KCNK10: variants seen among roughly 807,000 people sequenced by gnomAD.
KCNK10 encodes the protein potassium channel subfamily K member 10.
Under a neutral mutation model 47.7 loss-of-function variants are expected in KCNK10, and 25 were observed. The ratio of observed to expected loss-of-function variants is 0.52; its 90% confidence interval spans 0.38 to 0.73. KCNK10 has a LOEUF of 0.73. Among genes scored for constraint, KCNK10 ranks in the 30% least tolerant of loss-of-function variants. KCNK10 has a pLI of 0.00. For synonymous variants in KCNK10, 303 were observed against 285.6 expected (o/e 1.06, Z -0.61); for missense variants, 563 against 714.5 (o/e 0.79, Z 2.42).
At chr14:88,213,383 A>T (rs184930686) in intron 4 of KCNK10, among the ~76,000 whole-genome samples, 2 of 152,372 alleles carry the variant, frequency 1.3e-5, no homozygotes, top group African/African-American at 4.8e-5. Flanking sequence ...GAGGAACCAA[A>T]CTAACCTGTG....
At chr14:88,246,264 GAAAAAAAAAAAAA>G (rs35102974) in intron 2 of KCNK10, among the ~76,000 whole-genome samples, 1 of 55,324 alleles carries the variant, frequency 1.8e-5, no homozygotes, top group African/African-American at 7.7e-5. Flanking sequence ...CTCCGTCTCA[GAAAAAAAAAAAAA>G]AAAAAAAAAA....
intron 2 of KCNK10, among the ~76,000 whole-genome samples, chr14:88,257,544 T>C (rs1203788447): frequency 6.6e-6 from 1 of 152,202 alleles, no homozygotes; most frequent in Non-Finnish European, 1.5e-5. Flanking sequence ...CCAGATATCG[T>C]GTTTCTGTTC....
At chr14:88,219,378 C>T (rs771805800) in intron 4 of KCNK10, among the ~76,000 whole-genome samples, 6 of 152,222 alleles carry the variant, frequency 3.9e-5, no homozygotes, top group East Asian at 3.9e-4. Context: ...TGAGGGACAA[C>T]GCTCTGAAGA....
At chr14:88,326,396 T>C (rs758515598), upstream of KCNK10, 10 of 1,608,738 alleles carry the variant, frequency 6.2e-6, no homozygotes, top group Non-Finnish European at 8.5e-6. Flanking sequence ...CCTTTGGTTA[T>C]TTACAAGCTG....
rs1158338502 is a variant in KCNK10 at position 88,192,213 on chromosome 14, A to G, written c.868+11T>C. The G allele has an allele frequency of 1.9e-6, 3 of 1,607,086 alleles. No homozygotes were observed. The highest frequency in any genetic ancestry group is 2.7e-5 in the African/African-American group (2 of 74,730). On this transcript the variant is annotated intron_variant, in intron 5 of 6. Transcript: ENST00000319231. ...CAGAGCCCCAGTGCCTGGCCTGCCC[A>G]GGGTGCTTACCTGCCACAAAATCAC...
At chr14:88,217,566 A>G (rs1885662499) in intron 4 of KCNK10, among the ~76,000 whole-genome samples, 1 of 152,108 alleles carries the variant, frequency 6.6e-6, no homozygotes, top group African/African-American at 2.4e-5. Context: ...ACTTAAAAAT[A>G]TTTTTAGAGA....
At chr14:88,262,591 C>A (rs1049224490) in intron 2 of KCNK10, among the ~76,000 whole-genome samples, 2 of 152,164 alleles carry the variant, frequency 1.3e-5, no homozygotes, top group Admixed American at 6.5e-5. Flanking sequence ...TCCTAAGAAT[C>A]TTTTTTCCTT....
intron 1 of KCNK10, among the ~76,000 whole-genome samples, chr14:88,278,066 A>G (rs73328097): frequency 0.11 from 16,069 of 152,184 alleles, 2,246 homozygotes; most frequent in African/African-American, 0.32. Context: ...CAAGGTGATG[A>G]GCAGAATCCC....
chr14:88,272,015 T>C (rs986886556), intron 1 of KCNK10, among the ~76,000 whole-genome samples: 1 of 150,276 alleles, frequency 6.7e-6, no homozygotes, highest in Non-Finnish European at 1.5e-5. Flanking sequence ...AGGGGGAAGG[T>C]TGGACTTCAA....
At chr14:88,303,464 A>C (rs1218238462) in intron 1 of KCNK10, among the ~76,000 whole-genome samples, 1 of 151,910 alleles carries the variant, frequency 6.6e-6, no homozygotes, top group Non-Finnish European at 1.5e-5. Context: ...ACTTCAGACC[A>C]CCCTTTCCAG....
At chr14:88,188,274 C>A (rs1884638023) in intron 5 of KCNK10, among the ~76,000 whole-genome samples, 165 bp from the exon 6 acceptor site, 1 of 152,102 alleles carries the variant, frequency 6.6e-6, no homozygotes. Context: ...AAGGGGGGTA[C>A]CCATCCCTTA....
intron 3 of KCNK10, among the ~76,000 whole-genome samples, chr14:88,233,306 C>T (rs971284486): frequency 2.6e-5 from 4 of 152,168 alleles, no homozygotes; most frequent in African/African-American, 9.7e-5. Flanking sequence ...GGCAGAACAA[C>T]CCAAGGGGAA....
At chr14:88,326,312 G>A, upstream of KCNK10, 1 of 886,076 alleles carries the variant, frequency 1.1e-6, no homozygotes, top group Non-Finnish European at 1.9e-6. Flanking sequence ...AGTGGGGATG[G>A]AGGGAGACCT....
chr14:88,287,543 T>C (rs1269729073), intron 1 of KCNK10, among the ~76,000 whole-genome samples: 2 of 152,178 alleles, frequency 1.3e-5, no homozygotes, highest in African/African-American at 4.8e-5. Context: ...CTCCCACTTA[T>C]AAGTAAGAAC....
intron 1 of KCNK10, among the ~76,000 whole-genome samples, chr14:88,277,499 T>C (rs923441541): frequency 3.9e-5 from 6 of 152,190 alleles, no homozygotes; most frequent in Non-Finnish European, 5.9e-5. Context: ...GGGAAAAGGA[T>C]ACCCACATTA....
chr14:88,323,015 G>A lies in KCNK10; in HGVS notation c.-217C>T, dbSNP rs1006938599. ...CTTGGGTGTTTGCACCGGCCAGGGG[G>A]TGGCCGGCCGCGGCCCCGTGGGTAA... On this transcript the variant is annotated 5_prime_UTR_variant, in exon 1 of 7. Coordinates refer to ENST00000319231, the MANE Select transcript of KCNK10 (RefSeq NM_138317.3). 2.5e-5 allele frequency: 34 copies of A among 1,370,576 alleles called. No homozygotes were observed. Among genetic ancestry groups the A allele is most frequent in the East Asian group, 2.8e-5 (1 of 35,850 alleles). 84.9% of individuals were successfully genotyped at this position (1,370,576 alleles called of 1,614,324 possible). A position where few individuals can be genotyped will look rare whatever the true frequency, so the allele number is the denominator to read the frequency against.
At position 88,248,707 on chromosome 14, in the gene KCNK10, C is replaced by T. The variant is rs186690770; in HGVS notation, c.403-7887G>A. Among the ~76,000 whole-genome samples, 35 of 150,884 alleles carry T rather than the reference C, an allele frequency of 2.3e-4. No individual in the cohort carries two copies. The East Asian group carries it at 5.5e-3, about 24-fold the overall frequency. On this transcript the variant is annotated intron_variant, in intron 2 of 6. Transcript: ENST00000319231. ...TCGTGCTACTTTACTCCAGCCTCCA[C>T]AGAGCAAGACTGCCCTTTACAGAAC...
rs1887422433 is a variant in KCNK10 at position 88,272,210 on chromosome 14, A to G, written c.53-8659T>C. On this transcript the variant is annotated intron_variant, in intron 1 of 6. Transcript: ENST00000319231. ...ACATAAAATGTACGGCATGTTGCTC[A>G]ATGCCTTGTTCAAAGCAAGTCCTCA... Among the ~76,000 whole-genome samples the G allele has an allele frequency of 2.0e-5, 3 of 152,332 alleles. No homozygotes were observed. In the South Asian group the frequency reaches 6.2e-4, roughly 32 times the overall value.
chr14:88,236,162 T>C (rs1886295161), intron 3 of KCNK10, among the ~76,000 whole-genome samples: 1 of 151,934 alleles, frequency 6.6e-6, no homozygotes. Flanking sequence ...CAAAATATTT[T>C]AAAAATTAGC....
Sources: allele counts gnomAD v4.1 joint callset (sites outside exome capture counted in the v4.1 genomes callset), GRCh38; gene constraint gnomAD v4.1.1; transcripts MANE v1.5; gene names NCBI Gene and HGNC (gene_info 2026-07-23, HGNC 2026-07-21).